Variants in MYO18B observed in about 807,000 individuals in gnomAD.
MYO18B encodes the protein myosin XVIIIB, also known as unconventional myosin-XVIIIb.
In MYO18B, 204 loss-of-function variants were observed where a neutral mutation model predicts 273.0. The ratio of observed to expected loss-of-function variants is 0.75; its 90% confidence interval spans 0.67 to 0.84. The LOEUF is 0.84. Ranked by LOEUF, MYO18B falls within the 40% of genes least tolerant of loss-of-function variation. The pLI, the probability that MYO18B is intolerant of heterozygous loss-of-function variation, is 0.00. For synonymous variants in MYO18B, 1,330 were observed against 1,305.7 expected (o/e 1.02, Z -0.40); for missense variants, 3,212 against 3,287.6 (o/e 0.98, Z 0.56).
rs186293456 is a variant in MYO18B, at chr22:25,882,556, C to G, written c.4314+4508C>G. On this transcript the variant is annotated intron_variant, in intron 25 of 43. Coordinates refer to ENST00000335473, the MANE Select transcript of MYO18B (RefSeq NM_032608.7). ...TGGAGCATCATCCTGAACTGTAAGC[C>G]AAGAGCATGATGTCATTTCTTTCAA... Among the ~76,000 whole-genome samples the G allele has an allele frequency of 3.2e-4, 49 of 152,216 alleles. 1 individual carries two copies. The highest frequency in any genetic ancestry group is 2.6e-3 in the Admixed American group (39 of 15,274).
intron 14 of MYO18B, 26 bp from the exon 15 acceptor site, chr22:25,828,750 A>G (rs1047688049): frequency 6.2e-7 from 1 of 1,602,412 alleles, no homozygotes; most frequent in Non-Finnish European, 8.5e-7. Context: ...CATCTCAGAC[A>G]TTCCACCTCT....
At chr22:25,953,060 G>A (rs1224028881) in intron 38 of MYO18B, among the ~76,000 whole-genome samples, 1 of 152,204 alleles carries the variant, frequency 6.6e-6, no homozygotes, top group Non-Finnish European at 1.5e-5. Context: ...TCTGGGAGGA[G>A]GTGGCATTAA....
At chr22:25,950,236 C>T in intron 36 of MYO18B, 131 bp from the exon 37 acceptor site, 1 of 698,824 alleles carries the variant, frequency 1.4e-6, no homozygotes, top group Non-Finnish European at 2.4e-6. Context: ...TGGGAAACAG[C>T]TATTATCATA....
intron 21 of MYO18B, among the ~76,000 whole-genome samples, chr22:25,867,222 C>T (rs974142358): frequency 6.6e-5 from 10 of 152,210 alleles, no homozygotes; most frequent in Non-Finnish European, 7.3e-5. Flanking sequence ...CAACATCCAT[C>T]TGCACAACGC....
At chr22:26,056,090 T>G in the MYO18B span, among the ~76,000 whole-genome samples, 5 of 152,226 alleles carry the variant, frequency 3.3e-5, no homozygotes, top group African/African-American at 7.2e-5. Flanking sequence ...ATTGACCAGA[T>G]GAATAAATAG....
At chr22:26,018,346 G>A (rs1935545425) in intron 42 of MYO18B, among the ~76,000 whole-genome samples, 1 of 151,970 alleles carries the variant, frequency 6.6e-6, no homozygotes, top group African/African-American at 2.4e-5. Context: ...GGGACAGCAT[G>A]GGGACAGATT....
chr22:25,772,607 C>A (rs2145610554), intron 7 of MYO18B, 97 bp downstream of exon 7: 3 of 1,245,822 alleles, frequency 2.4e-6, no homozygotes, highest in Admixed American at 2.6e-5. Context: ...ACCATCAGAG[C>A]CCCCAGTCGA....
chr22:25,824,918 A>AGTCACACAC (rs2089432226), intron 13 of MYO18B, among the ~76,000 whole-genome samples: 1 of 111,532 alleles, frequency 9.0e-6, no homozygotes, highest in African/African-American at 3.6e-5. Context: ...GATACCACGG[A>AGTCACACAC]ATCACACACA....
chr22:25,783,426 A>G lies in MYO18B; in HGVS notation c.2312+1592A>G, dbSNP rs2087245908. Reference sequence around the variant, plus strand: ...AGGAGTAGGTAGGTGGGCCCTGAACATAGGAATCCCACTTTCAGCCCCGTG... The same window carrying G: ...AGGAGTAGGTAGGTGGGCCCTGAACGTAGGAATCCCACTTTCAGCCCCGTG... On this transcript the variant is annotated intron_variant, in intron 10 of 43. Transcript: ENST00000335473. Among the ~76,000 whole-genome samples, 4 of 152,210 alleles carry G rather than the reference A, an allele frequency of 2.6e-5. No homozygotes were observed. In the South Asian group the frequency reaches 8.3e-4, roughly 31 times the overall value.
intron 21 of MYO18B, 116 bp from the exon 22 acceptor site, chr22:25,868,204 A>G (rs2090944852): frequency 2.4e-6 from 2 of 835,856 alleles, no homozygotes; most frequent in African/African-American, 1.7e-5. Context: ...CAAAGCTCAC[A>G]GACATGTGGG....
chr22:25,978,600 G>A (rs1485990662), intron 39 of MYO18B, among the ~76,000 whole-genome samples: 1 of 152,198 alleles, frequency 6.6e-6, no homozygotes, highest in Non-Finnish European at 1.5e-5. Context: ...CTCCTTGGAG[G>A]CTTTGTGGAA....
rs1306189791 is a variant in MYO18B at position 25,835,388 on chromosome 22, T to C, written c.3153T>C (p.Ser1051=). Residue 1051 remains serine, a synonymous_variant, in exon 17 of 44, where the codon AGT becomes AGC. Coordinates refer to ENST00000335473, the MANE Select transcript of MYO18B (RefSeq NM_032608.7). ...EEVHVEGSSD[S]VVLERLCAAF... ...TCCATGTAGAGGGCTCCAGTGACAG[T>C]GTGGTGCTCGAGCGTCTGTGTGCTG... 3 of 1,613,784 alleles carry C rather than the reference T, an allele frequency of 1.9e-6. No homozygotes were observed. Among genetic ancestry groups the C allele is most frequent in the Non-Finnish European group, 1.7e-6 (2 of 1,179,878 alleles).
chr22:25,947,681 C>T (rs1280901863), intron 35 of MYO18B, 31 bp from the exon 36 acceptor site: 1 of 1,578,344 alleles, frequency 6.3e-7, no homozygotes, highest in South Asian at 1.1e-5. Flanking sequence ...ACCCTCTCAC[C>T]TTGCCTTGAC....
At chr22:25,876,076 C>A in intron 23 of MYO18B, 113 bp from the exon 24 acceptor site, 3 of 946,702 alleles carry the variant, frequency 3.2e-6, no homozygotes, top group Non-Finnish European at 4.7e-6. Flanking sequence ...TCCCTTCCAC[C>A]GGGAAATAAC....
intron 22 of MYO18B, 50 bp from the exon 23 acceptor site, chr22:25,874,236 A>G: frequency 1.2e-6 from 2 of 1,606,910 alleles, no homozygotes; most frequent in East Asian, 2.2e-5. Flanking sequence ...CCCCCATTGT[A>G]GACAGCCTTC....
At chr22:26,031,048 C>T, downstream of MYO18B, 1 of 397,716 alleles carries the variant, frequency 2.5e-6, no homozygotes, top group Non-Finnish European at 4.4e-6. Context: ...ACCCTGAACG[C>T]ATGCGACACA....
At chr22:25,867,699 G>A (rs2090929572) in intron 21 of MYO18B, among the ~76,000 whole-genome samples, 2 of 151,784 alleles carry the variant, frequency 1.3e-5, no homozygotes, top group African/African-American at 2.4e-5. Flanking sequence ...GTGCAGTCTC[G>A]GCTCACTGCA....
chr22:25,873,213 G>A (rs2091096450), intron 22 of MYO18B, among the ~76,000 whole-genome samples: 1 of 152,168 alleles, frequency 6.6e-6, no homozygotes, highest in African/African-American at 2.4e-5. Flanking sequence ...CTACTAGAAG[G>A]TGGCTTTGTG....
intron 25 of MYO18B, among the ~76,000 whole-genome samples, chr22:25,884,046 T>A (rs1480974005): frequency 6.6e-6 from 1 of 152,172 alleles, no homozygotes; most frequent in Non-Finnish European, 1.5e-5. Flanking sequence ...GTTCTGGATT[T>A]TCCCCCCAAG....
Sources: allele counts gnomAD v4.1 joint callset (sites outside exome capture counted in the v4.1 genomes callset), GRCh38; gene constraint gnomAD v4.1.1; transcripts MANE v1.5; gene names NCBI Gene and HGNC (gene_info 2026-07-23, HGNC 2026-07-21).